Variants in SELP observed in about 807,000 individuals in gnomAD.
The protein encoded by SELP is selectin P.
In SELP, 92 loss-of-function variants were observed where a neutral mutation model predicts 104.1. The observed-to-expected ratio is 0.88, with a 90% CI of 0.75 to 1.05. The LOEUF (loss-of-function observed/expected upper bound fraction) is 1.05, where lower values mean the gene tolerates loss of function less well. SELP is among the 50% of genes least tolerant of loss of function. SELP has a pLI of 0.00. For missense variants in SELP, 1,022 were observed against 1,017.3 expected (o/e 1.00, Z -0.06); for synonymous variants, 397 against 364.5 (o/e 1.09, Z -1.01).
chr1:169,604,735 G>A (rs1662097354), intron 9 of SELP, among the ~76,000 whole-genome samples: 3 of 152,184 alleles, frequency 2.0e-5, no homozygotes, highest in South Asian at 2.1e-4. Context: ...AACTCAAGAA[G>A]CCTATAAACT....
intron 14 of SELP, 196 bp from the exon 15 acceptor site, chr1:169,591,652 A>T: frequency 2.4e-6 from 1 of 421,550 alleles, no homozygotes; most frequent in East Asian, 4.2e-5. Flanking sequence ...ATTCGACAAT[A>T]TTTAACTCCA....
At chr1:169,608,472 C>T (rs955567087) in intron 8 of SELP, among the ~76,000 whole-genome samples, 1 of 152,106 alleles carries the variant, frequency 6.6e-6, no homozygotes, top group Non-Finnish European at 1.5e-5. Flanking sequence ...TTTGTCCTTT[C>T]ATAGTGGCTT....
intron 9 of SELP, among the ~76,000 whole-genome samples, chr1:169,605,973 A>G (rs867896730): frequency 6.6e-6 from 1 of 152,202 alleles, no homozygotes; most frequent in Non-Finnish European, 1.5e-5. Context: ...GAACCCGTTC[A>G]AGTTCATACA....
At chr1:169,602,443 A>G (rs550315316) in intron 10 of SELP, among the ~76,000 whole-genome samples, 141 of 152,376 alleles carry the variant, frequency 9.3e-4, no homozygotes, top group African/African-American at 3.1e-3. Flanking sequence ...TTTCAGTGAC[A>G]TAGAGCTGAG....
At chr1:169,627,686 T>A (rs1259670617) in intron 1 of SELP, among the ~76,000 whole-genome samples, 3 of 152,192 alleles carry the variant, frequency 2.0e-5, no homozygotes, top group Non-Finnish European at 4.4e-5. Flanking sequence ...CATTTTGATT[T>A]TTGAGGATTT....
At chr1:169,592,200 G>T (rs1422548821) in intron 14 of SELP, among the ~76,000 whole-genome samples, 1 of 152,196 alleles carries the variant, frequency 6.6e-6, no homozygotes, top group Non-Finnish European at 1.5e-5. Context: ...GTAGCTCTCA[G>T]TACATCTCTT....
chr1:169,598,786 A>C (rs1410340602), intron 10 of SELP, among the ~76,000 whole-genome samples: 1 of 152,218 alleles, frequency 6.6e-6, no homozygotes, highest in African/African-American at 2.4e-5. Flanking sequence ...GGCCTGACAC[A>C]TAGGAGGGGT....
In SELP at chr1:169,603,043, G is replaced by C; in HGVS notation, c.1688C>G (p.Ser563Cys). 6.2e-7 allele frequency: 1 copy of C among 1,613,210 alleles called. No homozygotes were observed. The highest frequency in any genetic ancestry group is 1.1e-5 in the South Asian group (1 of 91,028). The change falls in exon 10 of 17, where the codon TCC (serine) becomes TGC (cysteine). Residue 563 changes from serine to cysteine, a missense_variant. Ser to Cys is a moderately radical substitution (Grantham distance 112, BLOSUM62 -1). Coordinates refer to ENST00000263686, the MANE Select transcript of SELP (RefSeq NM_003005.4). ...DCTRSGRWTD[S>C]PPMCEAIKCP... is the part of the protein sequence containing the mutation. ...CAGCCTACCTTCACACATTGGTGGG[G>C]AGTCTGTCCAGCGTCCCGATCGAGT...
intron 10 of SELP, among the ~76,000 whole-genome samples, chr1:169,600,247 A>G (rs930954733): frequency 3.9e-5 from 6 of 152,194 alleles, no homozygotes; most frequent in East Asian, 1.9e-4. Context: ...TAAATTATAT[A>G]AAGTTCCAAA....
chr1:169,625,783 C>T (rs1663344808), intron 1 of SELP, among the ~76,000 whole-genome samples: 1 of 152,104 alleles, frequency 6.6e-6, no homozygotes, highest in African/African-American at 2.4e-5. Context: ...GTGATAATAG[C>T]TAAGTGAACA....
In SELP at chr1:169,595,962, A is replaced by G. The variant is rs1366622929; in HGVS notation, c.2064T>C (p.Pro688=). ...LIGDSTLSCR[P]SGQWTAVTPA... is the part of the protein sequence containing the mutation. Reference sequence around the variant, plus strand: ...GAGTTACTGCTGTCCATTGTCCTGAAGGTCTGCAGCTGAGAGTGCTGTCTC... The same window carrying G: ...GAGTTACTGCTGTCCATTGTCCTGAGGGTCTGCAGCTGAGAGTGCTGTCTC... Residue 688 remains proline, a synonymous_variant, in exon 12 of 17, where the codon CCT becomes CCC. Coordinates refer to ENST00000263686, the MANE Select transcript of SELP (RefSeq NM_003005.4). The G allele has an allele frequency of 6.2e-7, 1 of 1,613,746 alleles. No individual in the cohort carries two copies. The highest frequency in any genetic ancestry group is 1.7e-5 in the Admixed American group (1 of 59,994).
chr1:169,620,379 C>T (rs983526526), intron 1 of SELP, among the ~76,000 whole-genome samples: 8 of 130,208 alleles, frequency 6.1e-5, no homozygotes, highest in African/African-American at 1.8e-4. Flanking sequence ...TTCCACTGTA[C>T]TTTTTTTTTT....
intron 9 of SELP, among the ~76,000 whole-genome samples, chr1:169,604,247 T>G (rs1337587438): frequency 1.3e-5 from 2 of 152,064 alleles, no homozygotes; most frequent in South Asian, 2.1e-4. Context: ...CATAAATGTC[T>G]TCTTTTGAGA....
rs768305907 is a variant in SELP, at chr1:169,597,043, A to C, written c.1839T>G (p.Asn613Lys). Residue 613 changes from asparagine (N) to lysine (K), a missense_variant, in exon 11 of 17, where the codon AAT becomes AAG. Asn to Lys is a moderately conservative substitution (Grantham distance 94). Transcript: ENST00000263686. Reference protein sequence around the residue: ...DNGFKLEGPNNVECTTSGRWS... With the variant: ...DNGFKLEGPNKVECTTSGRWS... ...ATCTTCCAGAAGTTGTGCATTCCAC[A>C]TTATTGGGCCCCTCCAGCTTAAAGC... is the stretch of plus-strand genomic sequence containing the variant. 7 of 1,613,292 alleles carry C rather than the reference A, an allele frequency of 4.3e-6. No homozygotes were observed. The highest frequency in any genetic ancestry group is 5.9e-6 in the Non-Finnish European group (7 of 1,179,594).
chr1:169,611,738 G>C (rs1662547978), intron 6 of SELP, 61 bp from the exon 7 acceptor site: 1 of 1,516,048 alleles, frequency 6.6e-7, no homozygotes. Flanking sequence ...GCCACACAGA[G>C]AGCAATGGTG....
At chr1:169,609,025 T>C (rs545885464) in intron 8 of SELP, among the ~76,000 whole-genome samples, 2 of 152,144 alleles carry the variant, frequency 1.3e-5, no homozygotes, top group Non-Finnish European at 2.9e-5. Flanking sequence ...ATAAATCCTA[T>C]AAGAGTTTTA....
At chr1:169,609,805 T>C (rs916155338) in intron 7 of SELP, 116 bp from the exon 8 acceptor site, 1 of 952,630 alleles carries the variant, frequency 1.0e-6, no homozygotes, top group Non-Finnish European at 1.5e-6. Context: ...TTCAGAACCC[T>C]AAAACCTCCA....
At chr1:169,617,895 A>T (rs1274427241) in intron 2 of SELP, among the ~76,000 whole-genome samples, 1 of 152,164 alleles carries the variant, frequency 6.6e-6, no homozygotes, top group African/African-American at 2.4e-5. Context: ...AGCAAAACAG[A>T]ATTCCTACTT....
chr1:169,617,322 G>A lies in SELP; in HGVS notation c.187C>T (p.Arg63Cys), dbSNP rs753097216. 3.2e-5 allele frequency: 52 copies of A among 1,613,968 alleles called. No homozygotes were observed. Among genetic ancestry groups the A allele is most frequent in the Admixed American group, 3.3e-5 (2 of 59,996 alleles). ...WNISRKYCQNRYTDLVAIQNK... is the reference protein window; with the variant it reads ...WNISRKYCQNCYTDLVAIQNK... ...TGGATGGCCACTAAGTCTGTGTAGC[G>A]ATTCTGGCAGTATTTACGGGAAATA... Residue 63 changes from arginine to cysteine, a missense_variant, in exon 3 of 17, where the codon CGC (arginine) becomes TGC (cysteine). By Grantham distance (180) the Arg-to-Cys change is radical. Coordinates refer to ENST00000263686, the MANE Select transcript of SELP (RefSeq NM_003005.4).
Sources: gnomAD v4.1 joint callset for allele counts (sites outside exome capture counted in the v4.1 genomes callset) on GRCh38, gnomAD v4.1.1 for gene constraint, MANE v1.5 for transcripts, NCBI Gene and HGNC (gene_info 2026-07-23, HGNC 2026-07-21) for gene names.